Variants in ATP2B3 observed in about 807,000 individuals in gnomAD.
ATP2B3 encodes plasma membrane calcium-transporting ATPase 3.
ATP2B3 carries 12 observed loss-of-function variants against 70.8 expected under a neutral mutation model. That is an observed-to-expected ratio of 0.17 (90% confidence interval 0.11 to 0.27). The LOEUF (loss-of-function observed/expected upper bound fraction) is 0.27. ATP2B3 is among the 10% of genes least tolerant of loss of function. The probability of loss-of-function intolerance (pLI) is 1.00; values close to 1 mark genes in which losing one functional copy is unlikely to be tolerated. For missense variants in ATP2B3, 858 were observed against 1,118.5 expected (o/e 0.77, Z 3.32); for synonymous variants, 460 against 497.8 (o/e 0.92, Z 1.01).
chrX:153,562,315 C>G, intron 20 of ATP2B3, 73 bp downstream of exon 20: 1 of 997,525 alleles, frequency 1.0e-6, no homozygotes, highest in Non-Finnish European at 1.4e-6. Flanking sequence ...CTTGCCCTAA[C>G]CCTGCTTCAG....
At chrX:153,528,706 G>A (rs1188051007) in intron 2 of ATP2B3, among the ~76,000 whole-genome samples, 1 of 112,378 alleles carries the variant, frequency 8.9e-6, no homozygotes, top group Non-Finnish European at 1.9e-5. Context: ...AGGAATCTGA[G>A]CTCCTTTGAT....
rs1229066825 is a variant in ATP2B3, at chrX:153,580,920, C to T, written c.*622C>T. The T allele has an allele frequency of 7.1e-5, 8 of 112,923 alleles. No homozygotes were observed. The East Asian group carries it at 1.7e-3, about 24-fold the overall frequency. The allele number at this position is 112,923 out of a possible 1,213,427, so 9.3% of individuals were successfully genotyped here. On this transcript the variant is annotated 3_prime_UTR_variant, in exon 22 of 22. Transcript: ENST00000263519. ...CACATCCGCAGTGCGCATGTGTGTGCGTGCATGCACATATGTGTATGTGTG... is the reference window on the plus strand; with the variant it reads ...CACATCCGCAGTGCGCATGTGTGTGTGTGCATGCACATATGTGTATGTGTG...
At chrX:153,574,911 A>T (rs1557020937) in intron 21 of ATP2B3, 1 of 324,344 alleles carries the variant, frequency 3.1e-6, no homozygotes, top group Admixed American at 3.1e-5. Flanking sequence ...CTGCAGCGTC[A>T]CCCGCCCTGT....
In ATP2B3 at chrX:153,550,240, G is replaced by A; in HGVS notation, c.1777G>A (p.Gly593Ser). 1.6e-6 allele frequency: 2 copies of A among 1,212,461 alleles called. No individual in the cohort carries two copies. The highest frequency in any genetic ancestry group is 2.2e-6 in the Non-Finnish European group (2 of 895,598). ...MSTVIRMPDG[G>S]FRLFSKGASE... ...CACAGTCATCCGCATGCCCGACGGT[G>A]GCTTCCGCCTCTTCAGCAAGGGGGC... The change falls in exon 12 of 22, where the codon GGC becomes AGC. Residue 593 changes from glycine to serine, a missense_variant. Physicochemically the swap from Gly to Ser is moderately conservative, Grantham distance 56. This residue lies in a region of ATP2B3 where 242 missense variants were observed against 281.3 expected (regional missense o/e 0.86). Coordinates refer to ENST00000263519, the MANE Select transcript of ATP2B3 (RefSeq NM_001001344.3).
intron 12 of ATP2B3, among the ~76,000 whole-genome samples, chrX:153,550,803 C>T (rs1175867897): frequency 8.9e-6 from 1 of 111,784 alleles, no homozygotes; most frequent in Non-Finnish European, 1.9e-5. Context: ...CCTCATGTTG[C>T]CCAGGGTGGT....
chrX:153,543,421 C>T (rs782760337), intron 7 of ATP2B3, among the ~76,000 whole-genome samples: 258 of 112,979 alleles, frequency 2.3e-3, no homozygotes, highest in African/African-American at 8.0e-3. Context: ...CCAAAGGCTC[C>T]GGGATCCCAT....
rs371089124 is a variant in ATP2B3, at chrX:153,550,144, G to C, written c.1681G>C (p.Val561Leu). 3 of 1,211,461 alleles carry C rather than the reference G, an allele frequency of 2.5e-6. No homozygotes were observed. The highest frequency in any genetic ancestry group is 3.5e-5 in the South Asian group (2 of 56,943). ...GGACCTGAAGCGGGACTTCCAGCCC[G>C]TGCGCGAGCAGATCCCGGAAGACAA... is the stretch of plus-strand genomic sequence containing the variant. ...VLDLKRDFQP[V>L]REQIPEDKLY... is the part of the protein sequence containing the mutation. The change falls in exon 12 of 22, where the codon GTG (valine) becomes CTG (leucine). Residue 561 changes from valine to leucine, a missense_variant. Around this residue, in one of 5 missense-constraint regions of ATP2B3, gnomAD observed 242 missense variants for 281.3 expected, o/e 0.86. Coordinates refer to ENST00000263519, the MANE Select transcript of ATP2B3 (RefSeq NM_001001344.3).
chrX:153,522,178 G>T (rs942073132), intron 2 of ATP2B3, among the ~76,000 whole-genome samples: 1 of 112,765 alleles, frequency 8.9e-6, no homozygotes, highest in Non-Finnish European at 1.9e-5. Context: ...TCAGAATGGC[G>T]CCAGCTATGC....
chrX:153,571,004 A>ACGCG (rs1569536000), intron 21 of ATP2B3, among the ~76,000 whole-genome samples: 50 of 2,855 alleles, frequency 0.018, no homozygotes, highest in Non-Finnish European at 0.11. Context: ...GTGCGCGCGT[A>ACGCG]CACACACACA....
intron 21 of ATP2B3, chrX:153,574,698 T>C (rs781836286): frequency 7.0e-5 from 21 of 301,016 alleles, no homozygotes; most frequent in Non-Finnish European, 1.3e-4. Context: ...TCTCCCTGCT[T>C]CTGCGGCCCT....
In ATP2B3 at chrX:153,558,186, CAAGGCAGTCATGTGGGGCCGTAACGTCT is replaced by C; in HGVS notation, c.2510_2537del (p.Lys837MetfsTer12). On this transcript the variant is annotated frameshift_variant, in exon 17 of 22. Transcript: ENST00000263519. LOFTEE classifies it high-confidence loss of function. ...CCGATGACAACTTCACCAGCATCGT[CAAGGCAGTCATGTGGGGCCGTAACGTCT>C]ATGACAGCATCTCCAAGTTCCTGCA... is the stretch of plus-strand genomic sequence containing the variant. 8.3e-7 allele frequency: 1 copy of C among 1,211,774 alleles called. No homozygotes were observed. The highest frequency in any genetic ancestry group is 1.1e-6 in the Non-Finnish European group (1 of 895,530).
intron 21 of ATP2B3, among the ~76,000 whole-genome samples, chrX:153,579,599 A>G (rs1436704909): frequency 1.8e-5 from 2 of 112,458 alleles, no homozygotes; most frequent in Admixed American, 9.3e-5. Context: ...TCCCCAGGAC[A>G]GGGAACTGCG....
chrX:153,569,365 A>T lies in ATP2B3; in HGVS notation c.3342+4262A>T, dbSNP rs879998061. ...TGACTTGTGACCCCCTTCCCTTCCC[A>T]ATCTCATGACCACTAACCATCTGCT... is the stretch of plus-strand genomic sequence containing the variant. On this transcript the variant is annotated intron_variant, in intron 21 of 21. Coordinates refer to ENST00000263519, the MANE Select transcript of ATP2B3 (RefSeq NM_001001344.3). 39 of 537,971 alleles carry T rather than the reference A, an allele frequency of 7.2e-5. 1 individual carries two copies. In the South Asian group the frequency reaches 9.4e-4, roughly 13 times the overall value. 44.3% of individuals were successfully genotyped at this position (537,971 alleles called of 1,213,427 possible).
chrX:153,568,568 C>A (rs1350402339), intron 21 of ATP2B3, among the ~76,000 whole-genome samples: 1 of 112,040 alleles, frequency 8.9e-6, no homozygotes, highest in East Asian at 2.8e-4. Context: ...GTATGCATTC[C>A]TCACGGTCGC....
At position 153,536,330 on chromosome X, in the gene ATP2B3, G is replaced by C; in HGVS notation, c.83G>C (p.Gly28Ala). ...GATGTCCCCCAGGCTGGAGGCTTTG[G>C]GTGCACGCTGGCGGAGCTGCGCACC... ...QRDVPQAGGF[G>A]CTLAELRTLM... The change falls in exon 3 of 22, where the codon GGG becomes GCG. Residue 28 changes from glycine to alanine, a missense_variant. Coordinates refer to ENST00000263519, the MANE Select transcript of ATP2B3 (RefSeq NM_001001344.3). 8.3e-7 allele frequency: 1 copy of C among 1,198,088 alleles called. No homozygotes were observed. The highest frequency in any genetic ancestry group is 1.1e-6 in the Non-Finnish European group (1 of 888,706).
intron 2 of ATP2B3, among the ~76,000 whole-genome samples, chrX:153,527,416 G>A (rs1316437357): frequency 1.8e-5 from 2 of 113,308 alleles, no homozygotes; most frequent in Admixed American, 1.8e-4. Context: ...TGGGGAGCAC[G>A]TAGGGGCAGG....
At chrX:153,546,554 G>A (rs782522998) in intron 8 of ATP2B3, among the ~76,000 whole-genome samples, 2 of 113,250 alleles carry the variant, frequency 1.8e-5, no homozygotes, top group African/African-American at 3.2e-5. Context: ...CAGAGTGGTC[G>A]GCTGAGGGCC....
intron 12 of ATP2B3, among the ~76,000 whole-genome samples, chrX:153,551,096 G>A (rs1310890888): frequency 4.5e-5 from 5 of 112,330 alleles, no homozygotes; most frequent in African/African-American, 3.2e-5. Flanking sequence ...ATTCTTTTGC[G>A]TGGACATCTA....
At position 153,558,102 on chromosome X, in the gene ATP2B3, A is replaced by AC. The variant is rs782384280; in HGVS notation, c.2434-3dup. 5.8e-5 allele frequency: 70 copies of AC among 1,198,322 alleles called. No homozygotes were observed. The East Asian group carries it at 1.4e-3, about 24-fold the overall frequency. On this transcript the variant is annotated splice_polypyrimidine_tract_variant and intron_variant, in intron 16 of 21. Transcript: ENST00000263519. ...AACACTCTGTGTGAGTGTGTGTGTC[A>AC]CCCCCCCAGGGCATCGCAGGGACCG...
Sources: gnomAD v4.1 joint callset for allele counts (sites outside exome capture counted in the v4.1 genomes callset) on GRCh38, gnomAD v4.1.1 for gene constraint, gnomAD v4.1.1 regional missense constraint, MANE v1.5 for transcripts, NCBI Gene and HGNC (gene_info 2026-07-23, HGNC 2026-07-21) for gene names.